Variants in GAB1 observed in about 807,000 individuals in gnomAD.
The protein encoded by GAB1 is GRB2 associated binding protein 1, also known as GRB2-associated-binding protein 1.
Under a neutral mutation model 66.5 loss-of-function variants are expected in GAB1, and 19 were observed. The observed-to-expected ratio is 0.29, with a 90% CI of 0.20 to 0.42. The LOEUF (loss-of-function observed/expected upper bound fraction) is 0.42. GAB1 is among the 10% of genes least tolerant of loss of function. GAB1 has a pLI of 1.00. For missense variants in GAB1, 732 were observed against 858.5 expected, an observed-to-expected ratio of 0.85 and a Z score of 1.84; for synonymous variants, 294 against 301.4, an observed-to-expected ratio of 0.98 and a Z score of 0.25.
intron 6 of GAB1, among the ~76,000 whole-genome samples, chr4:143,448,174 C>T (rs1734674430): frequency 6.6e-6 from 1 of 151,814 alleles, no homozygotes; most frequent in African/African-American, 2.4e-5. Context: ...TTTTGATGTG[C>T]TGCTGAATTC....
chr4:143,441,001 CTG>C (rs1014911168), intron 6 of GAB1, among the ~76,000 whole-genome samples: 51 of 152,254 alleles, frequency 3.3e-4, no homozygotes, highest in African/African-American at 1.2e-3. Context: ...AACAGTGAGA[CTG>C]TATAATCTTT....
At position 143,470,147 on chromosome 4, in the gene GAB1, C is replaced by T. The variant is rs1482940245; in HGVS notation, c.*958C>T. The T allele has an allele frequency of 6.6e-6, 1 of 152,130 alleles. No individual in the cohort carries two copies. Among genetic ancestry groups the T allele is most frequent in the Non-Finnish European group, 1.5e-5 (1 of 68,026 alleles). The allele number at this position is 152,130 out of a possible 1,614,324, so 9.4% of individuals were successfully genotyped here. A position where few individuals can be genotyped will look rare whatever the true frequency, so the allele number is the denominator to read the frequency against. ...ATTCACTGTTAGTTACAGCAACATA[C>T]TGTGATTTTTAATTAGATAGTAATT... is the stretch of plus-strand genomic sequence containing the variant. On this transcript the variant is annotated 3_prime_UTR_variant, in exon 10 of 10. Coordinates refer to ENST00000262994, the MANE Select transcript of GAB1 (RefSeq NM_002039.4).
intron 8 of GAB1, among the ~76,000 whole-genome samples, chr4:143,463,604 C>T (rs188906465): frequency 5.4e-5 from 6 of 111,054 alleles, no homozygotes; most frequent in Admixed American, 4.4e-4. Context: ...GCCCAGGCAA[C>T]AAAGCAAGAC....
chr4:143,466,140 G>A lies in GAB1; in HGVS notation c.1841G>A (p.Ser614Asn). 1 of 1,613,768 alleles carries A rather than the reference G, an allele frequency of 6.2e-7. No homozygotes were observed. Among genetic ancestry groups the A allele is most frequent in the South Asian group, 1.1e-5 (1 of 91,068 alleles). Residue 614 changes from serine (S) to asparagine (N), a missense_variant, in exon 9 of 10, where the codon AGC becomes AAC. By Grantham distance (46) the Ser-to-Asn change is conservative. This residue lies in a region of GAB1 where 204 missense variants were observed against 276.8 expected (regional missense o/e 0.74). Transcript: ENST00000262994. ...FGSNSLDGGSSPMIKPKGDKQ... is the reference protein window; with the variant it reads ...FGSNSLDGGSNPMIKPKGDKQ... ...AGTAACAGTCTTGATGGAGGAAGCA[G>A]CCCTATGATCAAGCCCAAAGGAGAC...
chr4:143,417,751 TCTTC>T (rs1304023438), intron 2 of GAB1, among the ~76,000 whole-genome samples: 1 of 152,138 alleles, frequency 6.6e-6, no homozygotes, highest in African/African-American at 2.4e-5. Flanking sequence ...TTCTCTCTGC[TCTTC>T]CTTTTTAAAC....
intron 8 of GAB1, among the ~76,000 whole-genome samples, chr4:143,460,966 A>G (rs1041904017): frequency 6.6e-6 from 1 of 152,224 alleles, no homozygotes; most frequent in Non-Finnish European, 1.5e-5. Flanking sequence ...AAATGGTCTT[A>G]TAAGTAAGTA....
intron 2 of GAB1, among the ~76,000 whole-genome samples, chr4:143,420,970 T>C (rs1732982418): frequency 6.6e-6 from 1 of 152,058 alleles, no homozygotes; most frequent in Non-Finnish European, 1.5e-5. Context: ...TACAGTTCAA[T>C]GTAGTTTTAT....
intron 1 of GAB1, among the ~76,000 whole-genome samples, chr4:143,384,608 G>A (rs1281959901): frequency 6.6e-6 from 1 of 152,206 alleles, no homozygotes; most frequent in Non-Finnish European, 1.5e-5. Flanking sequence ...GACAGACTAG[G>A]GGCAACAGCA....
chr4:143,336,944 G>C lies in GAB1; in HGVS notation c.-245G>C. 4.2e-6 allele frequency: 2 copies of C among 477,188 alleles called. No homozygotes were observed. The highest frequency in any genetic ancestry group is 2.1e-5 in the African/African-American group (1 of 48,338). 29.6% of individuals were successfully genotyped at this position (477,188 alleles called of 1,614,324 possible). A position where few individuals can be genotyped will look rare whatever the true frequency, so the allele number is the denominator to read the frequency against. On this transcript the variant is annotated 5_prime_UTR_variant, in exon 1 of 10. Transcript: ENST00000262994. Reference sequence around the variant, plus strand: ...CGGCACGTCTGGAGGCGAGGCGGGCGCACTGAAAGGAGGCCGGCGCGCCCG... The same window carrying C: ...CGGCACGTCTGGAGGCGAGGCGGGCCCACTGAAAGGAGGCCGGCGCGCCCG...
chr4:143,408,786 A>G (rs1190339719), intron 1 of GAB1, among the ~76,000 whole-genome samples: 2 of 152,228 alleles, frequency 1.3e-5, no homozygotes, highest in African/African-American at 4.8e-5. Flanking sequence ...TCTACTAAAG[A>G]AGTCACAATA....
chr4:143,459,572 C>T, intron 7 of GAB1, 94 bp downstream of exon 7: 1 of 809,278 alleles, frequency 1.2e-6, no homozygotes, highest in Admixed American at 1.9e-5. Context: ...TAGTGGTTCT[C>T]AATGGATGAT....
intron 1 of GAB1, among the ~76,000 whole-genome samples, chr4:143,351,151 T>C (rs937932444): frequency 2.0e-5 from 3 of 152,186 alleles, no homozygotes; most frequent in Non-Finnish European, 4.4e-5. Context: ...GTTAACCAGT[T>C]CAGTTAGACC....
At chr4:143,373,822 CCTCTCTCTCTCT>C (rs3049718) in intron 1 of GAB1, among the ~76,000 whole-genome samples, 31 of 97,858 alleles carry the variant, frequency 3.2e-4, no homozygotes, top group South Asian at 1.3e-3. Context: ...GGAGTGAAAC[CCTCTCTCTCTCT>C]CTCTCTCTCT....
chr4:143,389,772 G>A lies in GAB1; in HGVS notation c.73-25705G>A, dbSNP rs565836206. Among the ~76,000 whole-genome samples the A allele has an allele frequency of 3.3e-5, 5 of 152,292 alleles. No individual in the cohort carries two copies. In the South Asian group the frequency reaches 8.3e-4, roughly 25 times the overall value. Reference sequence around the variant, plus strand: ...ACATATTTGTTGAATGACTAAATAAGTGGATTCTGGCACTTAATTATAAGA... The same window carrying A: ...ACATATTTGTTGAATGACTAAATAAATGGATTCTGGCACTTAATTATAAGA... On this transcript the variant is annotated intron_variant, in intron 1 of 9. Transcript: ENST00000262994.
At chr4:143,448,973 G>T (rs1032338845) in intron 6 of GAB1, among the ~76,000 whole-genome samples, 7 of 152,142 alleles carry the variant, frequency 4.6e-5, no homozygotes, top group African/African-American at 1.4e-4. Flanking sequence ...GTGTCCCAGA[G>T]ATTCTGGTAT....
At position 143,337,103 on chromosome 4, in the gene GAB1, A is replaced by C. The variant is rs1421537959; in HGVS notation, c.-86A>C. 4.1e-6 allele frequency: 5 copies of C among 1,234,414 alleles called. No individual in the cohort carries two copies. The highest frequency in any genetic ancestry group is 2.2e-5 in the Admixed American group (1 of 45,362). The allele number at this position is 1,234,414 out of a possible 1,614,324, so 76.5% of individuals were successfully genotyped here. A position where few individuals can be genotyped will look rare whatever the true frequency, so the allele number is the denominator to read the frequency against. ...CGACCAGGAGAGCTAGGTTCTCGCC[A>C]CTGCGCGCTCGGCAGGCGTCGGCTG... On this transcript the variant is annotated 5_prime_UTR_variant, in exon 1 of 10. Coordinates refer to ENST00000262994, the MANE Select transcript of GAB1 (RefSeq NM_002039.4).
chr4:143,388,706 C>T (rs532474376), intron 1 of GAB1, among the ~76,000 whole-genome samples: 16 of 152,262 alleles, frequency 1.1e-4, no homozygotes, highest in South Asian at 8.3e-4. Flanking sequence ...TGAGTCACTG[C>T]GCCCGGCCTA....
chr4:143,418,455 C>T (rs1732819455), intron 2 of GAB1, among the ~76,000 whole-genome samples: 2 of 152,156 alleles, frequency 1.3e-5, no homozygotes, highest in Admixed American at 1.3e-4. Flanking sequence ...ATGTCAATGA[C>T]ATCAATGATA....
chr4:143,458,618 G>A (rs974683196), intron 6 of GAB1, among the ~76,000 whole-genome samples: 1 of 151,860 alleles, frequency 6.6e-6, no homozygotes, highest in Non-Finnish European at 1.5e-5. Context: ...TAAGAAAATG[G>A]CTAAGAACTC....
Sources: allele counts gnomAD v4.1 joint callset (sites outside exome capture counted in the v4.1 genomes callset), GRCh38; gene constraint gnomAD v4.1.1; regional missense constraint gnomAD v4.1.1; transcripts MANE v1.5; gene names NCBI Gene and HGNC (gene_info 2026-07-23, HGNC 2026-07-21).